The following ITGAV variants were observed in gnomAD, a reference collection of about 807,000 sequenced individuals.
The protein encoded by ITGAV is integrin subunit alpha V.
ITGAV carries 76 observed loss-of-function variants against 143.8 expected under a neutral mutation model. The observed-to-expected ratio is 0.53, with a 90% CI of 0.44 to 0.64. ITGAV has a LOEUF of 0.64. Ranked by LOEUF, ITGAV falls within the 30% of genes least tolerant of loss-of-function variation. The probability of loss-of-function intolerance (pLI) is 0.00; values close to 1 mark genes in which losing one functional copy is unlikely to be tolerated. For synonymous variants in ITGAV, 453 were observed against 446.7 expected, an observed-to-expected ratio of 1.01 and a Z score of -0.18; for missense variants, 1,193 against 1,274.7, an observed-to-expected ratio of 0.94 and a Z score of 0.98.
chr2:186,637,501 G>A (rs887754761), intron 8 of ITGAV, among the ~76,000 whole-genome samples: 231 of 147,444 alleles, frequency 1.6e-3, no homozygotes, highest in African/African-American at 5.4e-3. Context: ...AAAAAAAAAG[G>A]AAAAGAAAAT....
At chr2:186,610,841 G>A (rs1458192891) in intron 2 of ITGAV, among the ~76,000 whole-genome samples, 2 of 152,140 alleles carry the variant, frequency 1.3e-5, no homozygotes, top group Non-Finnish European at 2.9e-5. Context: ...ATAATAGATT[G>A]CGATGCAAAA....
At chr2:186,629,142 C>T (rs545282707) in intron 4 of ITGAV, among the ~76,000 whole-genome samples, 1 of 152,030 alleles carries the variant, frequency 6.6e-6, no homozygotes, top group East Asian at 1.9e-4. Context: ...ATATAATTAC[C>T]AGACTTAACA....
intron 22 of ITGAV, 37 bp from the exon 23 acceptor site, chr2:186,667,113 C>A (rs1243804264): frequency 6.6e-7 from 1 of 1,504,252 alleles, no homozygotes; most frequent in South Asian, 1.2e-5. Flanking sequence ...GGTTGTTATG[C>A]ATAATTCATT....
chr2:186,644,650 A>C (rs1261649930), intron 12 of ITGAV, among the ~76,000 whole-genome samples: 1 of 152,132 alleles, frequency 6.6e-6, no homozygotes, highest in East Asian at 1.9e-4. Flanking sequence ...TTAAAAAAGG[A>C]TAAAAAGAAT....
Position 186,667,226 on chromosome 2 carries a change from A to G in ITGAV, c.2323A>G (p.Arg775Gly). The change falls in exon 23 of 30, where the codon AGA becomes GGA. Residue 775 changes from arginine to glycine, a missense_variant. Coordinates refer to ENST00000261023, the MANE Select transcript of ITGAV (RefSeq NM_002210.5). ...TGCTGTTTTAGCTGCAGTTGAGATA[A>G]GAGGGTCAGTATGAATACTTAGTTG... ...DLAVLAAVEIRGVSSPDHVFL... is the reference protein window; with the variant it reads ...DLAVLAAVEIGGVSSPDHVFL... 6.2e-7 allele frequency: 1 copy of G among 1,606,778 alleles called. No individual in the cohort carries two copies. The highest frequency in any genetic ancestry group is 8.5e-7 in the Non-Finnish European group (1 of 1,173,770).
chr2:186,604,380 G>A (rs1686999245), intron 2 of ITGAV, among the ~76,000 whole-genome samples: 1 of 151,996 alleles, frequency 6.6e-6, no homozygotes, highest in Non-Finnish European at 1.5e-5. Flanking sequence ...TTGTATATGT[G>A]TACTTAATTT....
rs183447320 is a variant in ITGAV, at chr2:186,616,869, C to T, written c.317-5470C>T. Among the ~76,000 whole-genome samples, 106 of 151,202 alleles carry T rather than the reference C, an allele frequency of 7.0e-4. 1 individual carries two copies. The highest frequency in any genetic ancestry group is 5.6e-4 in the Non-Finnish European group (38 of 67,810). ...CTTCCACTAACCTGTCCATTTTTAC[C>T]TAATAAATAAGCATACTTTATTGGA... On this transcript the variant is annotated intron_variant, in intron 2 of 29. Coordinates refer to ENST00000261023, the MANE Select transcript of ITGAV (RefSeq NM_002210.5).
rs140003020 is a variant in ITGAV, at chr2:186,679,172, A to G, written c.*1880A>G. On this transcript the variant is annotated 3_prime_UTR_variant, in exon 30 of 30. Transcript: ENST00000261023. ...GCCACCAATCAGTAAGTTAGTCTAT[A>G]ACAAATTTTACCCTAACAGTTTTAC... 2 of 152,580 alleles carry G rather than the reference A, an allele frequency of 1.3e-5. No individual in the cohort carries two copies. The highest frequency in any genetic ancestry group is 2.9e-5 in the Non-Finnish European group (2 of 68,234). The allele number at this position is 152,580 out of a possible 1,614,324, so 9.5% of individuals were successfully genotyped here.
chr2:186,659,277 G>C (rs1181973798), intron 18 of ITGAV, 102 bp downstream of exon 18: 2 of 794,894 alleles, frequency 2.5e-6, no homozygotes, highest in African/African-American at 1.8e-5. Flanking sequence ...ATTGATAGAT[G>C]TTTAGTCAAA....
chr2:186,608,420 C>T (rs1471401137), intron 2 of ITGAV, among the ~76,000 whole-genome samples: 1 of 152,144 alleles, frequency 6.6e-6, no homozygotes, highest in Non-Finnish European at 1.5e-5. Context: ...CAAAAAAGAA[C>T]AAACCTCAGC....
chr2:186,606,100 T>C (rs1436195203), intron 2 of ITGAV, among the ~76,000 whole-genome samples: 2 of 152,174 alleles, frequency 1.3e-5, no homozygotes, highest in African/African-American at 4.8e-5. Flanking sequence ...CATTAAACTA[T>C]ATGGTATTGA....
At chr2:186,655,759 T>C (rs1410162375) in intron 16 of ITGAV, among the ~76,000 whole-genome samples, 1 of 152,160 alleles carries the variant, frequency 6.6e-6, no homozygotes, top group Non-Finnish European at 1.5e-5. Flanking sequence ...ATCTGACAGT[T>C]TGATATGATA....
chr2:186,671,740 C>G lies in ITGAV; in HGVS notation c.2706+1926C>G, dbSNP rs572231894. ...TATAATTGTAAACATTTTTGTCACCCCAAAAAGAAATGCTGTACCCATTAA... is the reference window on the plus strand; with the variant it reads ...TATAATTGTAAACATTTTTGTCACCGCAAAAAGAAATGCTGTACCCATTAA... On this transcript the variant is annotated intron_variant, in intron 26 of 29. Coordinates refer to ENST00000261023, the MANE Select transcript of ITGAV (RefSeq NM_002210.5). Among the ~76,000 whole-genome samples, 10 of 152,070 alleles carry G rather than the reference C, an allele frequency of 6.6e-5. No individual in the cohort carries two copies. In the South Asian group the frequency reaches 2.1e-3, roughly 32 times the overall value.
intron 19 of ITGAV, 45 bp from the exon 20 acceptor site, chr2:186,664,449 T>G (rs1014975072): frequency 1.3e-6 from 2 of 1,577,174 alleles, no homozygotes; most frequent in Non-Finnish European, 1.7e-6. Flanking sequence ...ACTTTCCCCA[T>G]GTAGTCTTTT....
chr2:186,644,820 T>TAA (rs113937015), intron 12 of ITGAV, among the ~76,000 whole-genome samples: 21 of 146,326 alleles, frequency 1.4e-4, no homozygotes, highest in East Asian at 1.4e-3. Flanking sequence ...CATATATGTT[T>TAA]AAAAAAAAAA....
chr2:186,623,010 G>T (rs553304414), intron 3 of ITGAV, among the ~76,000 whole-genome samples: 1 of 151,936 alleles, frequency 6.6e-6, no homozygotes, highest in African/African-American at 2.4e-5. Flanking sequence ...GTGAGCCACC[G>T]AGCCTGGCCA....
In ITGAV at chr2:186,667,165, C is replaced by T. The variant is rs774043479; in HGVS notation, c.2262C>T (p.Asp754=). ...DLQIQSSNLF[D]KVSPVVSHKV... Reference sequence around the variant, plus strand: ...TCTTTTTCAGCTCAAATCTATTTGACAAAGTAAGCCCAGTTGTATCTCACA... The same window carrying T: ...TCTTTTTCAGCTCAAATCTATTTGATAAAGTAAGCCCAGTTGTATCTCACA... Residue 754 remains aspartate (D), a synonymous_variant, in exon 23 of 30, where the codon GAC becomes GAT. Transcript: ENST00000261023. 2 of 1,606,520 alleles carry T rather than the reference C, an allele frequency of 1.2e-6. No homozygotes were observed. The highest frequency in any genetic ancestry group is 3.4e-5 in the Admixed American group (2 of 59,472).
At chr2:186,598,927 T>A (rs1686822841) in intron 1 of ITGAV, among the ~76,000 whole-genome samples, 1 of 152,190 alleles carries the variant, frequency 6.6e-6, no homozygotes, top group Non-Finnish European at 1.5e-5. Context: ...TTAAGATAAG[T>A]GTCAGAAAGC....
In ITGAV at chr2:186,678,942, CACATT is replaced by C; in HGVS notation, c.*1651_*1655del. The C allele has an allele frequency of 5.6e-6, 2 of 354,966 alleles. No individual in the cohort carries two copies. The highest frequency in any genetic ancestry group is 4.5e-5 in the South Asian group (2 of 44,848). The allele number at this position is 354,966 out of a possible 1,614,324, so 22.0% of individuals were successfully genotyped here. The stretch of plus-strand genomic sequence containing the variant: ...TGAGAATATATTCGTAAAATAGGAG[CACATT>C]TAGTTGAGGTATACAAGGTAGGACT... On this transcript the variant is annotated 3_prime_UTR_variant, in exon 30 of 30. Transcript: ENST00000261023.
Sources: gnomAD v4.1 joint callset for allele counts (sites outside exome capture counted in the v4.1 genomes callset) on GRCh38, gnomAD v4.1.1 for gene constraint, MANE v1.5 for transcripts, NCBI Gene and HGNC (gene_info 2026-07-23, HGNC 2026-07-21) for gene names.